The following S100A8 variants were observed in gnomAD, a reference collection of about 807,000 sequenced individuals.
The protein encoded by S100A8 is protein S100-A8.
S100A8 carries 1 observed loss-of-function variant against 4.2 expected under a neutral mutation model. That is an observed-to-expected ratio of 0.24 (90% CI 0.08 to 1.12). The LOEUF is 1.12. S100A8 is among the 50% of genes most tolerant of loss of function. S100A8 has a pLI of 0.53. For synonymous variants in S100A8, 41 were observed against 44.7 expected (o/e 0.92, Z 0.33); for missense variants, 96 against 111.8 (o/e 0.86, Z 0.64).
upstream of S100A8, among the ~76,000 whole-genome samples, chr1:153,395,858 G>A (rs2101612583): frequency 6.6e-6 from 1 of 152,338 alleles, no homozygotes; most frequent in Admixed American, 6.5e-5. Context: ...CCCTCTGCTA[G>A]AAATGCACCT....
the S100A8 span, among the ~76,000 whole-genome samples, chr1:153,402,182 TA>T: frequency 1.3e-5 from 2 of 152,196 alleles, no homozygotes; most frequent in African/African-American, 4.8e-5. Context: ...TTAACAGTAT[TA>T]AGTTCTTCCT....
upstream of S100A8, among the ~76,000 whole-genome samples, chr1:153,393,439 T>C (rs1662147757): frequency 1.3e-5 from 2 of 152,242 alleles, no homozygotes; most frequent in South Asian, 4.1e-4. Flanking sequence ...ACATGTTCAA[T>C]TAATACTTAT....
chr1:153,403,232 G>A, the S100A8 span, among the ~76,000 whole-genome samples: 4 of 152,088 alleles, frequency 2.6e-5, no homozygotes, highest in African/African-American at 9.7e-5. Context: ...TATGTGTAGG[G>A]CTGTGACCTA....
chr1:153,422,091 C>T, the S100A8 span: 1 of 152,196 alleles, frequency 6.6e-6, no homozygotes, highest in South Asian at 2.1e-4. Context: ...GTTAAGATCC[C>T]AAATCCTGAG....
chr1:153,418,071 T>G, the S100A8 span: 411 of 1,613,594 alleles, frequency 2.5e-4, 6 homozygotes, highest in African/African-American at 5.0e-3. Context: ...TGAAGGCTTT[T>G]TGAAAGCAAA....
the S100A8 span, among the ~76,000 whole-genome samples, chr1:153,408,574 C>A: frequency 6.6e-6 from 1 of 152,150 alleles, no homozygotes; most frequent in African/African-American, 2.4e-5. Context: ...TCCAGGAGAA[C>A]TTCCCCAATC....
the S100A8 span, chr1:153,420,719 TCTTTC>T: frequency 6.6e-6 from 1 of 152,274 alleles, no homozygotes; most frequent in African/African-American, 2.4e-5. Flanking sequence ...AGTTTTCTTC[TCTTTC>T]CTTCTCTCCC....
At chr1:153,401,848 G>A in the S100A8 span, among the ~76,000 whole-genome samples, 3 of 152,096 alleles carry the variant, frequency 2.0e-5, no homozygotes, top group African/African-American at 4.8e-5. Flanking sequence ...ACGATGAATC[G>A]GGTTATACTG....
At chr1:153,409,201 A>T in the S100A8 span, among the ~76,000 whole-genome samples, 1 of 152,244 alleles carries the variant, frequency 6.6e-6, no homozygotes, top group Non-Finnish European at 1.5e-5. Flanking sequence ...TAAAGAGTCA[A>T]GACCCATCAG....
the S100A8 span, among the ~76,000 whole-genome samples, chr1:153,416,012 G>A: frequency 6.6e-6 from 1 of 152,220 alleles, no homozygotes; most frequent in Non-Finnish European, 1.5e-5. Context: ...TCCTAAAATA[G>A]AGATTGCAGC....
At chr1:153,411,518 A>G in the S100A8 span, among the ~76,000 whole-genome samples, 4 of 152,214 alleles carry the variant, frequency 2.6e-5, no homozygotes, top group African/African-American at 9.7e-5. Context: ...ATGCTCATGG[A>G]TAGGAAGAAT....
chr1:153,390,135 T>G lies in S100A8; in HGVS notation c.250A>C (p.Lys84Gln), dbSNP rs1441224124. The G allele has an allele frequency of 1.2e-6, 2 of 1,614,070 alleles. No homozygotes were observed. The highest frequency in any genetic ancestry group is 1.3e-5 in the African/African-American group (1 of 75,036). Residue 84 changes from lysine to glutamine, a missense_variant, in exon 3 of 3, where the codon AAA (lysine) becomes CAA (glutamine). Lys to Gln is a moderately conservative substitution (Grantham distance 53, BLOSUM62 1). Coordinates refer to ENST00000368733, the MANE Select transcript of S100A8 (RefSeq NM_002964.5). ...TTGTGGCTTTCTTCATGGCTTTTTT[T>G]GTGGGCTGCCACGCCCATCTTTATC... The part of the protein sequence containing the change: ...LVIKMGVAAH[K>Q]KSHEESHKE
At chr1:153,417,189 G>A in the S100A8 span, 1 of 152,348 alleles carries the variant, frequency 6.6e-6, no homozygotes, top group African/African-American at 2.4e-5. Context: ...TTTGGAAAGT[G>A]TAGAAATGAG....
At chr1:153,405,424 C>T in the S100A8 span, among the ~76,000 whole-genome samples, 1 of 150,748 alleles carries the variant, frequency 6.6e-6, no homozygotes, top group Non-Finnish European at 1.5e-5. Flanking sequence ...GGATTCAGGC[C>T]GTGAGAAACA....
At chr1:153,395,181 A>G (rs538478756), upstream of S100A8, among the ~76,000 whole-genome samples, 3 of 152,118 alleles carry the variant, frequency 2.0e-5, no homozygotes, top group African/African-American at 7.2e-5. Context: ...ATCCATCATC[A>G]TGTTGTAGAA....
At chr1:153,395,392 C>T (rs924398602), upstream of S100A8, among the ~76,000 whole-genome samples, 3 of 152,142 alleles carry the variant, frequency 2.0e-5, no homozygotes, top group African/African-American at 4.8e-5. Flanking sequence ...ACCCAGGCAC[C>T]GAGGTCCCAT....
upstream of S100A8, among the ~76,000 whole-genome samples, chr1:153,395,731 A>T (rs941038791): frequency 1.3e-5 from 2 of 152,098 alleles, no homozygotes; most frequent in Non-Finnish European, 1.5e-5. Context: ...GGACTTCCAG[A>T]CTCTGGTCCT....
chr1:153,390,246 G>A lies in S100A8; in HGVS notation c.142-3C>T, dbSNP rs879000199. ...AACCAGACGTCTGCACCCTTTTTCT[G>A]TCAAGATTGAGGAGGAAGAAGCCAG... On this transcript the variant is annotated splice_region_variant and splice_polypyrimidine_tract_variant and intron_variant, in intron 2 of 2. Transcript: ENST00000368733. The A allele has an allele frequency of 1.2e-5, 19 of 1,607,570 alleles. No homozygotes were observed. The highest frequency in any genetic ancestry group is 1.6e-5 in the Non-Finnish European group (19 of 1,176,454).
the S100A8 span, among the ~76,000 whole-genome samples, chr1:153,403,359 T>G: frequency 5.7e-3 from 871 of 152,334 alleles, 6 homozygotes; most frequent in Non-Finnish European, 8.2e-3. Context: ...CTCCATTGAA[T>G]TGGCTTGGCG....
Sources: allele counts gnomAD v4.1 joint callset (sites outside exome capture counted in the v4.1 genomes callset), GRCh38; gene constraint gnomAD v4.1.1; transcripts MANE v1.5; gene names NCBI Gene and HGNC (gene_info 2026-07-23, HGNC 2026-07-21).